The following GSG1L variants were observed in gnomAD, a reference collection of about 807,000 sequenced individuals.
The protein encoded by GSG1L is germ cell-specific gene 1-like protein.
GSG1L carries 24 observed loss-of-function variants against 42.1 expected under a neutral mutation model. The ratio of observed to expected loss-of-function variants is 0.57; its 90% CI spans 0.41 to 0.80. GSG1L has a LOEUF of 0.80. GSG1L is among the 30% of genes least tolerant of loss of function. The pLI is 0.00. For synonymous variants in GSG1L, 215 were observed against 203.5 expected, an observed-to-expected ratio of 1.06 and a Z score of -0.48; for missense variants, 445 against 472.2, an observed-to-expected ratio of 0.94 and a Z score of 0.53.
chr16:27,797,448 G>C (rs772631673), intron 6 of GSG1L, among the ~76,000 whole-genome samples: 1 of 147,952 alleles, frequency 6.8e-6, no homozygotes. Flanking sequence ...GTTTGAACTC[G>C]AGAGGCAGAG....
intron 3 of GSG1L, among the ~76,000 whole-genome samples, chr16:27,870,161 C>G (rs554191213): frequency 4.0e-5 from 6 of 149,782 alleles, no homozygotes; most frequent in African/African-American, 1.3e-4. Flanking sequence ...TTCCTTCTCT[C>G]TCTGTCTCCC....
At chr16:27,814,688 GA>G (rs750992732) in intron 5 of GSG1L, among the ~76,000 whole-genome samples, 17,132 of 94,328 alleles carry the variant, frequency 0.18, 1,213 homozygotes, top group African/African-American at 0.19. Flanking sequence ...CCGTCTCAAG[GA>G]AAAAAAAAAA....
chr16:27,947,599 A>AAGAGAAAG (rs1401836017), intron 2 of GSG1L, among the ~76,000 whole-genome samples: 3 of 85,994 alleles, frequency 3.5e-5, no homozygotes, highest in African/African-American at 1.5e-4. Context: ...GAAAGAAAGA[A>AAGAGAAAG]AAAGAAAGAA....
At chr16:27,812,494 G>C (rs900955140) in intron 5 of GSG1L, among the ~76,000 whole-genome samples, 4 of 152,216 alleles carry the variant, frequency 2.6e-5, no homozygotes, top group Non-Finnish European at 1.5e-5. Flanking sequence ...AAACAAATGG[G>C]TGTGGACAGT....
Position 27,791,167 on chromosome 16 carries a change from A to C in GSG1L, c.*203T>G, listed in dbSNP as rs1048485450. 26 of 396,590 alleles carry C rather than the reference A, an allele frequency of 6.6e-5. No homozygotes were observed. In the East Asian group the frequency reaches 9.4e-4, roughly 14 times the overall value. The allele number at this position is 396,590 out of a possible 1,614,324, so 24.6% of individuals were successfully genotyped here. On this transcript the variant is annotated 3_prime_UTR_variant, in exon 7 of 7. Coordinates refer to ENST00000447459, the MANE Select transcript of GSG1L (RefSeq NM_001109763.2). ...AAAGTCACTCTGTGCAGCCCTGTGCATTCCCTTGGGCCTGCCCTGGCCCCA... is the reference window on the plus strand; with the variant it reads ...AAAGTCACTCTGTGCAGCCCTGTGCCTTCCCTTGGGCCTGCCCTGGCCCCA...
At chr16:28,027,471 C>T (rs954803909) in intron 1 of GSG1L, among the ~76,000 whole-genome samples, 1 of 152,172 alleles carries the variant, frequency 6.6e-6, no homozygotes, top group African/African-American at 2.4e-5. Context: ...CAGCACCATA[C>T]AATCTGGTAG....
Position 27,807,573 on chromosome 16 carries a change from A to C in GSG1L, c.831-19T>G. The C allele has an allele frequency of 1.2e-6, 2 of 1,603,118 alleles. No homozygotes were observed. The highest frequency in any genetic ancestry group is 1.7e-4 in the Middle Eastern group (1 of 6,054). ...CTCCATCCTGGAAAGAAAAAAAAAC[A>C]AAAACAAAATCCTAGGTAGGAAAGA... On this transcript the variant is annotated intron_variant, in intron 5 of 6. Coordinates refer to ENST00000447459, the MANE Select transcript of GSG1L (RefSeq NM_001109763.2).
chr16:28,032,705 C>T (rs985671542), intron 1 of GSG1L, among the ~76,000 whole-genome samples: 3 of 152,192 alleles, frequency 2.0e-5, no homozygotes, highest in Admixed American at 2.0e-4. Context: ...GTAATGGGCA[C>T]AACCATCTCT....
At position 27,806,428 on chromosome 16, in the gene GSG1L, A is replaced by C. The variant is rs374372201; in HGVS notation, c.898+1059T>G. Among the ~76,000 whole-genome samples the C allele has an allele frequency of 9.5e-4, 144 of 152,352 alleles. 1 individual carries two copies. In the South Asian group the frequency reaches 0.014, roughly 15 times the overall value. ...TTCTTAGTTTGGATTCCCCAGCAGC[A>C]GACCCACAGGTAAGAATTTGAGTGC... On this transcript the variant is annotated intron_variant, in intron 6 of 6. Transcript: ENST00000447459.
At chr16:27,827,461 G>A (rs1860225235) in intron 5 of GSG1L, among the ~76,000 whole-genome samples, 2 of 152,152 alleles carry the variant, frequency 1.3e-5, no homozygotes, top group Non-Finnish European at 2.9e-5. Context: ...TGACAGCCCA[G>A]AAGAGACTGG....
At chr16:27,863,371 A>G (rs527897571) in intron 3 of GSG1L, 2 of 152,334 alleles carry the variant, frequency 1.3e-5, no homozygotes, top group East Asian at 1.9e-4. Context: ...AAAAAATTCT[A>G]TTGAATCAGA....
At chr16:27,968,294 G>A (rs1567538840) in intron 1 of GSG1L, among the ~76,000 whole-genome samples, 1 of 151,816 alleles carries the variant, frequency 6.6e-6, no homozygotes, top group Non-Finnish European at 1.5e-5. Flanking sequence ...CTGTTGCCCA[G>A]GCTGGAGTGC....
intron 1 of GSG1L, among the ~76,000 whole-genome samples, chr16:27,985,671 C>G (rs966207468): frequency 3.3e-5 from 5 of 151,848 alleles, no homozygotes; most frequent in Admixed American, 2.0e-4. Context: ...TGGAGAAACT[C>G]CATCTCTACT....
intron 6 of GSG1L, among the ~76,000 whole-genome samples, chr16:27,792,826 G>C (rs2082770341): frequency 6.6e-6 from 1 of 152,208 alleles, no homozygotes; most frequent in Non-Finnish European, 1.5e-5. Flanking sequence ...GTGAAGGGGG[G>C]AAGGAAGAAA....
chr16:28,010,810 A>T (rs2085708210), intron 1 of GSG1L, among the ~76,000 whole-genome samples: 1 of 152,196 alleles, frequency 6.6e-6, no homozygotes, highest in Admixed American at 6.5e-5. Context: ...GGAGCGTGTC[A>T]TCTAGAACTC....
chr16:28,061,209 G>A (rs956484959), intron 1 of GSG1L, among the ~76,000 whole-genome samples: 1 of 152,228 alleles, frequency 6.6e-6, no homozygotes, highest in Admixed American at 6.5e-5. Context: ...CTCCAAGGAC[G>A]AAGATGTTCC....
chr16:27,902,140 A>G (rs1272520627), intron 2 of GSG1L, among the ~76,000 whole-genome samples: 1 of 152,226 alleles, frequency 6.6e-6, no homozygotes, highest in African/African-American at 2.4e-5. Context: ...CTGTCTGTCC[A>G]GCACCCGCTC....
At chr16:27,879,965 G>A (rs2083933147) in intron 3 of GSG1L, among the ~76,000 whole-genome samples, 1 of 92,288 alleles carries the variant, frequency 1.1e-5, no homozygotes, top group African/African-American at 3.2e-5. Flanking sequence ...AGAAAGGGCT[G>A]CCCCAGTCTC....
intron 1 of GSG1L, among the ~76,000 whole-genome samples, chr16:28,029,965 G>T (rs1016255411): frequency 6.6e-6 from 1 of 152,162 alleles, no homozygotes; most frequent in Non-Finnish European, 1.5e-5. Flanking sequence ...GCCAGCTCGT[G>T]GGATGAAACA....
Sources: allele counts gnomAD v4.1 joint callset (sites outside exome capture counted in the v4.1 genomes callset), GRCh38; gene constraint gnomAD v4.1.1; transcripts MANE v1.5; gene names NCBI Gene and HGNC (gene_info 2026-07-23, HGNC 2026-07-21).